DACH2: variants seen among roughly 807,000 people sequenced by gnomAD.
DACH2 encodes dachshund family transcription factor 2.
A neutral mutation model predicts 35.8 loss-of-function variants in DACH2; 17 were observed. The observed-to-expected ratio is 0.48, with a 90% confidence interval of 0.33 to 0.71. The LOEUF is 0.71. Among genes scored for constraint, DACH2 ranks in the 30% least tolerant of loss-of-function variants. The pLI is 0.02. For missense variants in DACH2, 469 were observed against 472.7 expected, an observed-to-expected ratio of 0.99 and a Z score of 0.07; for synonymous variants, 195 against 177.3, an observed-to-expected ratio of 1.10 and a Z score of -0.79.
chrX:86,680,655 T>TC (rs2040870694), intron 4 of DACH2, among the ~76,000 whole-genome samples: 1 of 102,008 alleles, frequency 9.8e-6, no homozygotes, highest in Non-Finnish European at 2.0e-5. Flanking sequence ...CTCATTTCTT[T>TC]TTTTTTTTTT....
chrX:86,484,871 A>G (rs771652983), intron 2 of DACH2, among the ~76,000 whole-genome samples: 1 of 112,264 alleles, frequency 8.9e-6, no homozygotes, highest in African/African-American at 3.2e-5. Flanking sequence ...ACTATGCAAA[A>G]TTAAACAATG....
chrX:86,463,815 A>C (rs764810359), intron 2 of DACH2, among the ~76,000 whole-genome samples: 2 of 111,830 alleles, frequency 1.8e-5, no homozygotes, highest in Admixed American at 9.6e-5. Flanking sequence ...CAAGGAACTT[A>C]AACAAATTTA....
At chrX:86,403,073 T>TA (rs1221542658) in intron 2 of DACH2, among the ~76,000 whole-genome samples, 1 of 112,074 alleles carries the variant, frequency 8.9e-6, no homozygotes, top group African/African-American at 3.2e-5. Context: ...CTCAAACTAT[T>TA]AAAAAATTCT....
intron 7 of DACH2, among the ~76,000 whole-genome samples, chrX:86,795,302 C>T (rs1394317462): frequency 9.7e-5 from 10 of 103,485 alleles, no homozygotes; most frequent in African/African-American, 3.6e-4. Flanking sequence ...GGCGCTATCT[C>T]TGCTCACTGC....
chrX:86,318,609 G>A (rs2034957771), intron 1 of DACH2, among the ~76,000 whole-genome samples: 2 of 110,646 alleles, frequency 1.8e-5, no homozygotes, highest in Admixed American at 1.9e-4. Flanking sequence ...ATACAGTTTT[G>A]GAACATATTT....
intron 1 of DACH2, among the ~76,000 whole-genome samples, chrX:86,170,390 G>A (rs781239373): frequency 6.3e-5 from 7 of 111,593 alleles, no homozygotes; most frequent in Admixed American, 5.7e-4. Flanking sequence ...TACATTCAAC[G>A]GGTGACAAAG....
intron 3 of DACH2, among the ~76,000 whole-genome samples, chrX:86,556,231 T>TG (rs1484493292): frequency 9.0e-6 from 1 of 111,081 alleles, no homozygotes; most frequent in Non-Finnish European, 1.9e-5. Context: ...CATACAATGG[T>TG]GGGGAGGGCC....
intron 2 of DACH2, among the ~76,000 whole-genome samples, chrX:86,456,298 G>A (rs908946601): frequency 1.8e-5 from 2 of 112,020 alleles, no homozygotes; most frequent in African/African-American, 6.5e-5. Context: ...GCCTTCTGTT[G>A]TTTTAACTGA....
In DACH2 at chrX:86,590,240, G is replaced by A. The variant is rs2039626088; in HGVS notation, c.641-60796G>A. Among the ~76,000 whole-genome samples the A allele has an allele frequency of 2.7e-5, 3 of 111,989 alleles. No homozygotes were observed. In the South Asian group the frequency reaches 1.1e-3, roughly 41 times the overall value. ...TGCTAAGGTAAAGGGCCATTGCTGA[G>A]GCAATTTGAGAACAGGAAGCAAAGC... is the stretch of plus-strand genomic sequence containing the variant. On this transcript the variant is annotated intron_variant, in intron 3 of 11. Coordinates refer to ENST00000373125, the MANE Select transcript of DACH2 (RefSeq NM_053281.3).
chrX:86,396,216 C>T (rs1373260759), intron 2 of DACH2, among the ~76,000 whole-genome samples: 3 of 109,714 alleles, frequency 2.7e-5, no homozygotes, highest in African/African-American at 1.0e-4. Context: ...ATGTCCTTCG[C>T]CCGCTTTTTG....
chrX:86,553,960 A>T (rs2039083653), intron 3 of DACH2, among the ~76,000 whole-genome samples: 1 of 111,425 alleles, frequency 9.0e-6, no homozygotes, highest in African/African-American at 3.3e-5. Flanking sequence ...ACTGCTCAGG[A>T]TAATTTTTTT....
At chrX:86,413,764 G>A (rs977256255) in intron 2 of DACH2, among the ~76,000 whole-genome samples, 5 of 111,136 alleles carry the variant, frequency 4.5e-5, no homozygotes, top group East Asian at 2.8e-4. Context: ...CTTCAGCTGC[G>A]AAGTATGTCT....
In DACH2 at chrX:86,460,020, G is replaced by T. The variant is rs550317920; in HGVS notation, c.528-54259G>T. Among the ~76,000 whole-genome samples the T allele has an allele frequency of 1.8e-3, 197 of 110,408 alleles. No individual in the cohort carries two copies. The Middle Eastern group carries it at 0.024, about 13-fold the overall frequency. ...CTCCCCCATTTATATTAACAACAAA[G>T]AATTTTTTCTCCTAGTTTTATAACA... On this transcript the variant is annotated intron_variant, in intron 2 of 11. Coordinates refer to ENST00000373125, the MANE Select transcript of DACH2 (RefSeq NM_053281.3).
intron 4 of DACH2, among the ~76,000 whole-genome samples, chrX:86,689,398 G>A (rs2040984736): frequency 9.0e-6 from 1 of 110,679 alleles, no homozygotes; most frequent in African/African-American, 3.3e-5. Context: ...GTGTCTATAT[G>A]TGTGTGTGTA....
At chrX:86,158,360 G>A (rs1014327340) in intron 1 of DACH2, among the ~76,000 whole-genome samples, 2 of 111,486 alleles carry the variant, frequency 1.8e-5, no homozygotes, top group Non-Finnish European at 3.8e-5. Flanking sequence ...CACCCAGGCA[G>A]GAGTGCAGTG....
At chrX:86,581,537 A>T (rs768846314) in intron 3 of DACH2, among the ~76,000 whole-genome samples, 17 of 111,685 alleles carry the variant, frequency 1.5e-4, no homozygotes, top group African/African-American at 5.2e-4. Flanking sequence ...AGAAAACTCT[A>T]CCAAGCAAAC....
intron 3 of DACH2, among the ~76,000 whole-genome samples, chrX:86,596,276 C>A (rs937421567): frequency 9.0e-6 from 1 of 111,683 alleles, no homozygotes. Context: ...ATGGTAATCT[C>A]GTGTCTAACT....
chrX:86,284,662 T>C (rs1309004342), intron 1 of DACH2, among the ~76,000 whole-genome samples: 1 of 111,218 alleles, frequency 9.0e-6, no homozygotes, highest in Non-Finnish European at 1.9e-5. Context: ...TTCAGAATTG[T>C]TTGAGTAGGA....
At chrX:86,831,740 T>A (rs112988674) in intron 11 of DACH2, 226 of 124,196 alleles carry the variant, frequency 1.8e-3, no homozygotes, top group African/African-American at 7.0e-3. Flanking sequence ...CATAACCAGA[T>A]ACTCTTTTCC....
Sources: allele counts gnomAD v4.1 joint callset (sites outside exome capture counted in the v4.1 genomes callset), GRCh38; gene constraint gnomAD v4.1.1; transcripts MANE v1.5; gene names NCBI Gene and HGNC (gene_info 2026-07-23, HGNC 2026-07-21).